Variants in MAP3K12 observed in about 807,000 individuals in gnomAD.
The protein encoded by MAP3K12 is mitogen-activated protein kinase kinase kinase 12.
A neutral mutation model predicts 87.5 loss-of-function variants in MAP3K12; 14 were observed. The observed-to-expected ratio is 0.16, with a 90% CI of 0.11 to 0.25. The LOEUF is 0.25. MAP3K12 is among the 10% of genes least tolerant of loss of function. The pLI is 1.00. For synonymous variants in MAP3K12, 469 were observed against 452.5 expected (o/e 1.04, Z -0.46); for missense variants, 802 against 1,140.4 (o/e 0.70, Z 4.27).
At chr12:53,501,440 C>G (rs1236387428), upstream of MAP3K12, 2 of 1,568,960 alleles carry the variant, frequency 1.3e-6, no homozygotes, top group East Asian at 2.4e-5. Context: ...TCCGGCACTA[C>G]CACGGGCTGC....
chr12:53,482,643 G>T lies in MAP3K12; in HGVS notation c.2160C>A (p.Gly720=). The T allele has an allele frequency of 6.2e-7, 1 of 1,613,928 alleles. No homozygotes were observed. Among genetic ancestry groups the T allele is most frequent in the African/African-American group, 1.3e-5 (1 of 75,072 alleles). The change falls in exon 11 of 14, where the codon GGC becomes GGA. Residue 720 remains glycine, a synonymous_variant. Coordinates refer to ENST00000547488, the MANE Select transcript of MAP3K12 (RefSeq NM_001193511.2). ...LLGTGREGTS[G]RGGSRAGSQH... ...GGGACCCAGCCCGGCTTCCTCCCCG[G>T]CCTGAGGTCCCTTCCCTTCCAGTTC...
At chr12:53,481,594 C>T (rs1490967757) in intron 13 of MAP3K12, 1 of 319,150 alleles carries the variant, frequency 3.1e-6, no homozygotes, top group East Asian at 6.4e-5. Flanking sequence ...GTGATCCACC[C>T]GCCTCGGCCT....
chr12:53,493,108 G>C (rs1003813270), intron 1 of MAP3K12: 3 of 152,526 alleles, frequency 2.0e-5, no homozygotes, highest in Admixed American at 1.3e-4. Flanking sequence ...GGACACGGCC[G>C]GCTGGGGGAA....
At chr12:53,501,332 G>C (rs1044223576), upstream of MAP3K12, 16 of 1,518,972 alleles carry the variant, frequency 1.1e-5, no homozygotes, top group Admixed American at 8.1e-5. Flanking sequence ...GCTTGGCCCC[G>C]GCCCTAGCTC....
chr12:53,485,507 AC>A lies in MAP3K12; in HGVS notation c.822-33del. On this transcript the variant is annotated intron_variant, in intron 4 of 13. Coordinates refer to ENST00000547488, the MANE Select transcript of MAP3K12 (RefSeq NM_001193511.2). ...AAGAGTGTAGTCAGCTGGGGTCCAC[AC>A]CCCTCCACACACCTCATCTAACTCT... The A allele has an allele frequency of 3.1e-6, 5 of 1,599,902 alleles. No homozygotes were observed. The East Asian group carries it at 1.1e-4, about 36-fold the overall frequency.
chr12:53,482,429 C>G (rs1943085433), intron 11 of MAP3K12, 60 bp from the exon 12 acceptor site: 1 of 1,607,824 alleles, frequency 6.2e-7, no homozygotes, highest in Non-Finnish European at 8.5e-7. Flanking sequence ...CACTAAGAAT[C>G]CAGGAGAAGG....
At chr12:53,491,444 T>A (rs1350910859) in intron 1 of MAP3K12, among the ~76,000 whole-genome samples, 1 of 151,318 alleles carries the variant, frequency 6.6e-6, no homozygotes, top group Admixed American at 6.6e-5. Flanking sequence ...GAGGTTTTTT[T>A]TTTTTTTGAG....
intron 1 of MAP3K12, among the ~76,000 whole-genome samples, chr12:53,494,705 AG>A (rs1196048521): frequency 2.6e-5 from 4 of 152,092 alleles, no homozygotes; most frequent in Non-Finnish European, 4.4e-5. Context: ...TTTTTTACTC[AG>A]GAAAAGGAGA....
At chr12:53,490,601 G>T (rs371628216) in intron 1 of MAP3K12, among the ~76,000 whole-genome samples, 8 of 152,056 alleles carry the variant, frequency 5.3e-5, no homozygotes, top group Admixed American at 4.6e-4. Flanking sequence ...AAAATTAGCC[G>T]TGTGTGGTGG....
chr12:53,482,445 T>C (rs1943086790), intron 11 of MAP3K12, 76 bp from the exon 12 acceptor site: 1 of 1,605,104 alleles, frequency 6.2e-7, no homozygotes, highest in Admixed American at 1.7e-5. Context: ...GAAGGGAACA[T>C]AGTTACGAAG....
intron 4 of MAP3K12, chr12:53,485,836 G>A (rs902827229): frequency 2.3e-5 from 13 of 566,550 alleles, no homozygotes; most frequent in African/African-American, 7.5e-5. Flanking sequence ...GATTACAGGC[G>A]TGAGCCACTG....
At position 53,487,050 on chromosome 12, in the gene MAP3K12, G is replaced by A. The variant is rs762378663; in HGVS notation, c.342C>T (p.Cys114=). 6.2e-7 allele frequency: 1 copy of A among 1,614,048 alleles called. No individual in the cohort carries two copies. The highest frequency in any genetic ancestry group is 1.1e-5 in the South Asian group (1 of 91,078). Residue 114 remains cysteine (C), a synonymous_variant, in exon 2 of 14, where the codon TGC becomes TGT. Coordinates refer to ENST00000547488, the MANE Select transcript of MAP3K12 (RefSeq NM_001193511.2). ...RVRADEVRLQ[C]QSGSGFLEGL... is the part of the protein sequence containing the mutation. ...CCTCAAGGAAGCCACTGCCACTCTG[G>A]CACTGCAGTCGCACCTCGTCAGCTC...
chr12:53,493,082 G>A (rs1256470442), intron 1 of MAP3K12: 1 of 152,408 alleles, frequency 6.6e-6, no homozygotes, highest in African/African-American at 2.4e-5. Flanking sequence ...GGGTGGTCCG[G>A]GTGGGGAAAG....
chr12:53,483,224 C>T (rs1801966094), intron 10 of MAP3K12, 35 bp from the exon 11 acceptor site: 2 of 1,534,730 alleles, frequency 1.3e-6, no homozygotes, highest in Non-Finnish European at 1.7e-6. Flanking sequence ...GTTAAGACTG[C>T]CAAATCTATG....
Position 53,482,136 on chromosome 12 carries a change from G to T in MAP3K12, c.2385C>A (p.Gly795=). 1.9e-6 allele frequency: 3 copies of T among 1,614,234 alleles called. No homozygotes were observed. Among genetic ancestry groups the T allele is most frequent in the Non-Finnish European group, 2.5e-6 (3 of 1,180,048 alleles). Reference sequence around the variant, plus strand: ...CACTGGGGGAAGGTTCACTAGCTGTGCCTTCCTCCCCATCTGATGGATTCT... The same window carrying T: ...CACTGGGGGAAGGTTCACTAGCTGTTCCTTCCTCCCCATCTGATGGATTCT... ...SSENPSDGEE[G]TASEPSPSGT... is the part of the protein sequence containing the mutation. Residue 795 remains glycine (G), a synonymous_variant, in exon 13 of 14, where the codon GGC becomes GGA. Transcript: ENST00000547488.
chr12:53,491,557 C>T (rs1387531215), intron 1 of MAP3K12, among the ~76,000 whole-genome samples: 1 of 150,086 alleles, frequency 6.7e-6, no homozygotes. Context: ...CCTCGGCCTC[C>T]CGAGTAGCTG....
intron 1 of MAP3K12, among the ~76,000 whole-genome samples, chr12:53,497,421 A>G (rs1943566004): frequency 6.6e-6 from 1 of 152,200 alleles, no homozygotes; most frequent in Non-Finnish European, 1.5e-5. Context: ...AAGAAACCAA[A>G]GGGCAAGGGC....
upstream of MAP3K12, chr12:53,501,334 C>T (rs1943690710): frequency 2.0e-6 from 3 of 1,524,860 alleles, no homozygotes; most frequent in Non-Finnish European, 2.7e-6. Flanking sequence ...TTGGCCCCGG[C>T]CCTAGCTCGT....
chr12:53,490,907 T>A (rs887450517), intron 1 of MAP3K12, among the ~76,000 whole-genome samples: 1 of 151,896 alleles, frequency 6.6e-6, no homozygotes, highest in Non-Finnish European at 1.5e-5. Flanking sequence ...CGAGACCTTG[T>A]CACAAAAGAA....
Sources: gnomAD v4.1 joint callset for allele counts (sites outside exome capture counted in the v4.1 genomes callset) on GRCh38, gnomAD v4.1.1 for gene constraint, MANE v1.5 for transcripts, NCBI Gene and HGNC (gene_info 2026-07-23, HGNC 2026-07-21) for gene names.